FAR2: variants seen among roughly 807,000 people sequenced by gnomAD.
FAR2 encodes the protein epididymis secretory protein Li 81.
FAR2 carries 19 observed loss-of-function variants against 56.0 expected under a neutral mutation model. The observed-to-expected ratio is 0.34, with a 90% CI of 0.24 to 0.50. The LOEUF is 0.50. Ranked by LOEUF, FAR2 falls within the 20% of genes least tolerant of loss-of-function variation. The probability of loss-of-function intolerance (pLI) is 0.98; values close to 1 mark genes in which losing one functional copy is unlikely to be tolerated. For missense variants in FAR2, 508 were observed against 642.2 expected, an observed-to-expected ratio of 0.79 and a Z score of 2.26; for synonymous variants, 219 against 218.8, an observed-to-expected ratio of 1.00 and a Z score of -0.01.
intron 1 of FAR2, among the ~76,000 whole-genome samples, chr12:29,210,064 CG>C (rs1478412229): frequency 6.6e-6 from 1 of 151,870 alleles, no homozygotes; most frequent in Non-Finnish European, 1.5e-5. Flanking sequence ...AATAATCAAC[CG>C]GGTGTGGTGG....
intron 1 of FAR2, among the ~76,000 whole-genome samples, chr12:29,206,354 C>T (rs1447804754): frequency 1.3e-5 from 2 of 152,338 alleles, no homozygotes; most frequent in East Asian, 1.9e-4. Context: ...AAATACTTGG[C>T]TCATCTGTGC....
At chr12:29,272,233 C>CT (rs1344510575) in intron 2 of FAR2, among the ~76,000 whole-genome samples, 2 of 152,202 alleles carry the variant, frequency 1.3e-5, no homozygotes, top group African/African-American at 4.8e-5. Flanking sequence ...TGTTTTCCAG[C>CT]TTGTTTCCAT....
intron 1 of FAR2, among the ~76,000 whole-genome samples, chr12:29,219,635 A>T (rs1012256399): frequency 1.9e-4 from 29 of 152,180 alleles, no homozygotes; most frequent in African/African-American, 7.0e-4. Flanking sequence ...CAAGAAAAAA[A>T]AAAGAGAAGG....
chr12:29,292,280 C>G (rs150430067), intron 2 of FAR2: 18 of 152,248 alleles, frequency 1.2e-4, no homozygotes, highest in African/African-American at 4.3e-4. Flanking sequence ...TTCTTGCTTT[C>G]CAGTAGTCAG....
At chr12:29,199,607 A>AAAC (rs908253718) in intron 1 of FAR2, among the ~76,000 whole-genome samples, 36 of 74,006 alleles carry the variant, frequency 4.9e-4, no homozygotes, top group African/African-American at 1.1e-3. Context: ...CTCAAAAAAA[A>AAAC]AAAAAAAAGA....
chr12:29,173,840 C>G (rs1398150864), intron 1 of FAR2, among the ~76,000 whole-genome samples: 3 of 152,120 alleles, frequency 2.0e-5, no homozygotes, highest in African/African-American at 7.2e-5. Context: ...AGCAGAAACA[C>G]TAGTTTTCCT....
At chr12:29,182,687 T>C (rs1257728565) in intron 1 of FAR2, among the ~76,000 whole-genome samples, 1 of 152,190 alleles carries the variant, frequency 6.6e-6, no homozygotes, top group East Asian at 1.9e-4. Flanking sequence ...GTCATATCTT[T>C]CTACTAGTTT....
At chr12:29,241,774 G>A (rs1401446698) in intron 1 of FAR2, among the ~76,000 whole-genome samples, 1 of 152,206 alleles carries the variant, frequency 6.6e-6, no homozygotes, top group Non-Finnish European at 1.5e-5. Context: ...CAGGACTTGG[G>A]TTGCTTGCCG....
intron 4 of FAR2, among the ~76,000 whole-genome samples, chr12:29,303,311 C>T (rs1277141064): frequency 2.6e-5 from 4 of 152,158 alleles, no homozygotes; most frequent in Non-Finnish European, 5.9e-5. Context: ...GAAAGACTAC[C>T]TTAAGGAGGT....
At chr12:29,329,152 A>C (rs995842286) in intron 10 of FAR2, among the ~76,000 whole-genome samples, 14 of 152,246 alleles carry the variant, frequency 9.2e-5, no homozygotes, top group African/African-American at 3.4e-4. Context: ...AAATGTTTAC[A>C]TATCACATAT....
At chr12:29,294,434 G>A (rs528908185) in intron 3 of FAR2, among the ~76,000 whole-genome samples, 65 of 151,480 alleles carry the variant, frequency 4.3e-4, no homozygotes, top group Non-Finnish European at 8.2e-4. Flanking sequence ...TGCAACCTCC[G>A]CCTCCTGGGT....
intron 1 of FAR2, among the ~76,000 whole-genome samples, chr12:29,223,256 T>G (rs1200660984): frequency 1.3e-5 from 2 of 152,202 alleles, no homozygotes; most frequent in Non-Finnish European, 2.9e-5. Flanking sequence ...ACTATAACTT[T>G]TGAGATGATG....
chr12:29,242,085 G>A (rs570506555), intron 1 of FAR2, among the ~76,000 whole-genome samples: 10 of 152,212 alleles, frequency 6.6e-5, no homozygotes, highest in African/African-American at 1.9e-4. Flanking sequence ...TGCTCAGCAC[G>A]CCACTTTACA....
chr12:29,318,999 T>G (rs1041692852), intron 9 of FAR2, among the ~76,000 whole-genome samples: 5 of 148,824 alleles, frequency 3.4e-5, no homozygotes, highest in Non-Finnish European at 7.5e-5. Context: ...TTCTTTTTTC[T>G]TTTTTTTTTG....
At chr12:29,333,166 G>C (rs1949756032) in intron 11 of FAR2, 7 of 324,290 alleles carry the variant, frequency 2.2e-5, no homozygotes, top group South Asian at 1.6e-4. Flanking sequence ...TAATCCCTGA[G>C]GGACAAGGAA....
At chr12:29,236,179 G>A (rs1259829549) in intron 1 of FAR2, among the ~76,000 whole-genome samples, 1 of 152,102 alleles carries the variant, frequency 6.6e-6, no homozygotes, top group African/African-American at 2.4e-5. Context: ...ACAATTATGT[G>A]TCAATAAAAA....
intron 1 of FAR2, among the ~76,000 whole-genome samples, chr12:29,261,921 G>A (rs1039342716): frequency 3.9e-5 from 6 of 152,208 alleles, no homozygotes; most frequent in Non-Finnish European, 8.8e-5. Flanking sequence ...AATGCTAAAG[G>A]CAGTTCTTCA....
intron 1 of FAR2, among the ~76,000 whole-genome samples, chr12:29,269,731 C>A (rs1220223386): frequency 6.6e-6 from 1 of 152,188 alleles, no homozygotes; most frequent in Non-Finnish European, 1.5e-5. Flanking sequence ...TTCAGCCGGT[C>A]CCTCTGTTTA....
chr12:29,307,994 G>A (rs1468471422), intron 5 of FAR2, 159 bp downstream of exon 5: 5 of 708,908 alleles, frequency 7.1e-6, no homozygotes, highest in Non-Finnish European at 1.1e-5. Flanking sequence ...TTCCACTTTG[G>A]GTTCAGGATT....
Sources: allele counts gnomAD v4.1 joint callset (sites outside exome capture counted in the v4.1 genomes callset), GRCh38; gene constraint gnomAD v4.1.1; transcripts MANE v1.5; gene names NCBI Gene and HGNC (gene_info 2026-07-23, HGNC 2026-07-21).